NOP58: variants seen among roughly 807,000 people sequenced by gnomAD.
NOP58 encodes the protein NOP58 ribonucleoprotein, also known as nucleolar protein 58.
A neutral mutation model predicts 71.2 loss-of-function variants in NOP58; 44 were observed. The observed-to-expected ratio is 0.62, with a 90% CI of 0.49 to 0.79. The LOEUF (loss-of-function observed/expected upper bound fraction) is 0.79, where lower values mean the gene tolerates loss of function less well. Ranked by LOEUF, NOP58 falls within the 30% of genes least tolerant of loss-of-function variation. The pLI, the probability that NOP58 is intolerant of heterozygous loss-of-function variation, is 0.00. For missense variants in NOP58, 538 were observed against 620.2 expected (o/e 0.87, Z 1.41); for synonymous variants, 228 against 200.3 (o/e 1.14, Z -1.17).
intron 4 of NOP58, among the ~76,000 whole-genome samples, chr2:202,283,261 A>T (rs1233875431): frequency 6.6e-6 from 1 of 151,790 alleles, no homozygotes; most frequent in African/African-American, 2.4e-5. Flanking sequence ...ACAGAGTCTC[A>T]CTCTGTTGCC....
intron 8 of NOP58, among the ~76,000 whole-genome samples, chr2:202,292,499 G>A (rs1414759822): frequency 1.3e-5 from 2 of 151,922 alleles, no homozygotes; most frequent in African/African-American, 4.8e-5. Flanking sequence ...TTAGCTGGGC[G>A]TGGTGGCGGG....
In NOP58 at chr2:202,295,815, C is replaced by T; in HGVS notation, c.1049C>T (p.Thr350Ile). The change falls in exon 10 of 15, where the codon ACA becomes ATA. Residue 350 changes from threonine to isoleucine, a missense_variant. Transcript: ENST00000264279. Reference sequence around the variant, plus strand: ...TATCATGCTTCACTCGTGGGCCAGACAAGTCCCAAACACAAAGGAAAGGTG... The same window carrying T: ...TATCATGCTTCACTCGTGGGCCAGATAAGTCCCAAACACAAAGGAAAGGTG... ...LIYHASLVGQ[T>I]SPKHKGKISR... The T allele has an allele frequency of 6.3e-7, 1 of 1,589,598 alleles. No homozygotes were observed. Among genetic ancestry groups the T allele is most frequent in the South Asian group, 1.2e-5 (1 of 86,298 alleles).
chr2:202,285,648 T>G (rs943133446), intron 5 of NOP58, among the ~76,000 whole-genome samples: 7 of 152,098 alleles, frequency 4.6e-5, no homozygotes, highest in Non-Finnish European at 1.0e-4. Flanking sequence ...GTCTTCTCCC[T>G]ATTTTTAATT....
intron 3 of NOP58, among the ~76,000 whole-genome samples, chr2:202,282,056 G>T (rs1454165781): frequency 1.1e-4 from 16 of 152,180 alleles, no homozygotes; most frequent in Non-Finnish European, 2.1e-4. Flanking sequence ...TTCCCAAAAA[G>T]ATTGTTTCTA....
Position 202,290,328 on chromosome 2 carries a change from T to C in NOP58, c.505T>C (p.Leu169=). Residue 169 remains leucine (L), a synonymous_variant, in exon 7 of 15, where the codon TTA becomes CTA. Transcript: ENST00000264279. ...DTMIVQAISL[L]DDLDKELNNY... is the part of the protein sequence containing the mutation. Reference sequence around the variant, plus strand: ...TTGTTTTTAATCTACTACAGCCTTGTTAGATGACTTGGATAAAGAACTAAA... The same window carrying C: ...TTGTTTTTAATCTACTACAGCCTTGCTAGATGACTTGGATAAAGAACTAAA... 1 of 1,601,292 alleles carries C rather than the reference T, an allele frequency of 6.2e-7. No individual in the cohort carries two copies. Among genetic ancestry groups the C allele is most frequent in the South Asian group, 1.1e-5 (1 of 88,998 alleles).
intron 6 of NOP58, among the ~76,000 whole-genome samples, chr2:202,288,630 A>G (rs183026139): frequency 4.7e-4 from 72 of 152,068 alleles, no homozygotes; most frequent in African/African-American, 1.7e-3. Flanking sequence ...TCAGGCCAAC[A>G]TGGTGAAACC....
At chr2:202,293,286 A>G (rs1347286354) in intron 9 of NOP58, among the ~76,000 whole-genome samples, 1 of 152,136 alleles carries the variant, frequency 6.6e-6, no homozygotes, top group Non-Finnish European at 1.5e-5. Flanking sequence ...GAAAAAAAAA[A>G]GAAATCACTG....
intron 6 of NOP58, among the ~76,000 whole-genome samples, chr2:202,288,934 C>G (rs77885528): frequency 0.082 from 12,424 of 152,026 alleles, 1,701 homozygotes; most frequent in African/African-American, 0.28. Flanking sequence ...GCCTGGCTAA[C>G]ATGGCGAAAC....
chr2:202,297,273 A>G (rs758901481), intron 10 of NOP58, 106 bp from the exon 11 acceptor site: 27 of 1,007,530 alleles, frequency 2.7e-5, no homozygotes, highest in Admixed American at 9.8e-5. Context: ...GATGATTTGA[A>G]TTGTATGATT....
At chr2:202,282,327 T>A in intron 3 of NOP58, 24 bp from the exon 4 acceptor site, 1 of 1,585,430 alleles carries the variant, frequency 6.3e-7, no homozygotes, top group Non-Finnish European at 8.5e-7. Context: ...AGTTAATGCT[T>A]TTGTTTTTCT....
intron 5 of NOP58, among the ~76,000 whole-genome samples, chr2:202,285,137 G>A (rs984576544): frequency 3.9e-5 from 6 of 151,978 alleles, no homozygotes; most frequent in Non-Finnish European, 8.8e-5. Context: ...TGCCTCCCAG[G>A]CTCAAGTGAT....
At chr2:202,295,893 C>T (rs558425793) in intron 10 of NOP58, 56 bp downstream of exon 10, 22 of 1,403,794 alleles carry the variant, frequency 1.6e-5, no homozygotes, top group Non-Finnish European at 2.0e-5. Flanking sequence ...TTTTTTACAA[C>T]CCATTTTTCT....
chr2:202,298,376 C>G (rs184147548), intron 12 of NOP58, among the ~76,000 whole-genome samples: 31 of 152,268 alleles, frequency 2.0e-4, no homozygotes, highest in African/African-American at 6.5e-4. Flanking sequence ...CTCAGCCGGG[C>G]ACAGTGGCTC....
At chr2:202,267,641 A>G (rs1574373547) in intron 1 of NOP58, among the ~76,000 whole-genome samples, 1 of 152,188 alleles carries the variant, frequency 6.6e-6, no homozygotes, top group Admixed American at 6.6e-5. Context: ...GTAAGTGTCT[A>G]TCGATGAATT....
chr2:202,293,129 A>C lies in NOP58; in HGVS notation c.907+226A>C, dbSNP rs746035698. 2.5e-5 allele frequency: 18 copies of C among 711,764 alleles called. No homozygotes were observed. In the East Asian group the frequency reaches 4.9e-4, roughly 20 times the overall value. The allele number at this position is 711,764 out of a possible 1,614,324, so 44.1% of individuals were successfully genotyped here. The stretch of plus-strand genomic sequence containing the variant: ...GCATCTTTAGTCACTACCTCTTCTG[A>C]GACACTTGTGGTCCATTGTTAGAAG... On this transcript the variant is annotated intron_variant, in intron 9 of 14. Coordinates refer to ENST00000264279, the MANE Select transcript of NOP58 (RefSeq NM_015934.5).
At position 202,303,002 on chromosome 2, in the gene NOP58, A is replaced by G. The variant is rs746336360; in HGVS notation, c.1484A>G (p.His495Arg). 3.1e-6 allele frequency: 5 copies of G among 1,612,976 alleles called. No individual in the cohort carries two copies. In the East Asian group the frequency reaches 6.7e-5, roughly 22 times the overall value. The change falls in exon 14 of 15, where the codon CAC becomes CGC. Residue 495 changes from histidine (H) to arginine (R), a missense_variant. His to Arg is a conservative substitution (Grantham distance 29). Coordinates refer to ENST00000264279, the MANE Select transcript of NOP58 (RefSeq NM_015934.5). ...AAGAAGAAAAGGGGTAAAAAGAAAC[A>G]CATTAAGGAAGAACCACTTTCTGAG... ...KKKKKRGKKK[H>R]IKEEPLSEEE...
rs567910105 is a variant in NOP58 at position 202,297,603 on chromosome 2, T to G, written c.1206+90T>G. ...TTATTAACTTCATCTGCTAAACAGT[T>G]TTATGATACTTATTAGTATGTCTAA... is the stretch of plus-strand genomic sequence containing the variant. On this transcript the variant is annotated intron_variant, in intron 11 of 14. Transcript: ENST00000264279. 1.1e-4 allele frequency: 146 copies of G among 1,280,718 alleles called. 1 individual carries two copies. Among genetic ancestry groups the G allele is most frequent in the Admixed American group, 2.6e-4 (12 of 46,964 alleles). The allele number at this position is 1,280,718 out of a possible 1,614,324, so 79.3% of individuals were successfully genotyped here.
intron 1 of NOP58, among the ~76,000 whole-genome samples, chr2:202,269,937 T>A (rs1038107947): frequency 2.0e-5 from 3 of 152,204 alleles, no homozygotes; most frequent in African/African-American, 7.2e-5. Context: ...TACTTGAATT[T>A]TAATGGTTAT....
rs575961624 is a variant in NOP58, at chr2:202,282,433, G to A, written c.258G>A (p.Pro86=). 87 of 1,611,796 alleles carry A rather than the reference G, an allele frequency of 5.4e-5. No homozygotes were observed. The highest frequency in any genetic ancestry group is 1.7e-4 in the Middle Eastern group (1 of 6,058). Residue 86 remains proline, a synonymous_variant, in exon 4 of 15, where the codon CCG becomes CCA. Coordinates refer to ENST00000264279, the MANE Select transcript of NOP58 (RefSeq NM_015934.5). ...AAATAGTAAAAGAAGCCCATGAACCGCTGGCAGTAGCTGATGCTAAACTAG... is the reference window on the plus strand; with the variant it reads ...AAATAGTAAAAGAAGCCCATGAACCACTGGCAGTAGCTGATGCTAAACTAG... ...LKKIVKEAHE[P]LAVADAKLGG... is the part of the protein sequence containing the mutation.
Sources: allele counts gnomAD v4.1 joint callset (sites outside exome capture counted in the v4.1 genomes callset), GRCh38; gene constraint gnomAD v4.1.1; transcripts MANE v1.5; gene names NCBI Gene and HGNC (gene_info 2026-07-23, HGNC 2026-07-21).